PRKG1: variants seen among roughly 807,000 people sequenced by gnomAD.
PRKG1 encodes cGMP-dependent protein kinase 1.
Under a neutral mutation model 88.1 loss-of-function variants are expected in PRKG1, and 35 were observed. The observed-to-expected ratio is 0.40, with a 90% CI of 0.30 to 0.53. The LOEUF (loss-of-function observed/expected upper bound fraction) is 0.53. Among genes scored for constraint, PRKG1 ranks in the 20% least tolerant of loss-of-function variants. PRKG1 has a pLI of 0.59. For missense variants in PRKG1, 540 were observed against 839.8 expected (o/e 0.64, Z 4.41); for synonymous variants, 303 against 292.5 (o/e 1.04, Z -0.37).
At chr10:52,156,923 G>A (rs1029893125) in intron 8 of PRKG1, among the ~76,000 whole-genome samples, 59 of 151,712 alleles carry the variant, frequency 3.9e-4, no homozygotes, top group African/African-American at 1.3e-3. Context: ...TTAAGAAGGC[G>A]TAGCCAAGCA....
chr10:51,278,926 T>C (rs1840211557), intron 2 of PRKG1, among the ~76,000 whole-genome samples: 1 of 152,224 alleles, frequency 6.6e-6, no homozygotes, highest in South Asian at 2.1e-4. Context: ...ATTGATTTTT[T>C]TGAAGGGTTT....
At chr10:51,958,773 T>G (rs1252905304) in intron 5 of PRKG1, among the ~76,000 whole-genome samples, 1 of 152,128 alleles carries the variant, frequency 6.6e-6, no homozygotes, top group Non-Finnish European at 1.5e-5. Context: ...GCTGCTACAG[T>G]GCATGGCCAG....
At chr10:51,395,044 A>G (rs1242293325) in intron 2 of PRKG1, among the ~76,000 whole-genome samples, 2 of 152,216 alleles carry the variant, frequency 1.3e-5, no homozygotes, top group Non-Finnish European at 2.9e-5. Flanking sequence ...AATGCTCCAA[A>G]TTCTGAGGAG....
At chr10:51,646,570 T>C (rs573440375) in intron 3 of PRKG1, among the ~76,000 whole-genome samples, 11 of 152,068 alleles carry the variant, frequency 7.2e-5, no homozygotes, top group Non-Finnish European at 8.8e-5. Context: ...CTTACATCCG[T>C]AAACATTTAT....
intron 4 of PRKG1, among the ~76,000 whole-genome samples, chr10:51,892,700 A>G (rs935899704): frequency 6.6e-6 from 1 of 152,228 alleles, no homozygotes; most frequent in Non-Finnish European, 1.5e-5. Context: ...TTGGTATTTC[A>G]TGGGTAGAAA....
intron 7 of PRKG1, among the ~76,000 whole-genome samples, chr10:52,103,237 C>T (rs995453477): frequency 1.3e-5 from 2 of 152,080 alleles, no homozygotes; most frequent in African/African-American, 2.4e-5. Flanking sequence ...GTTTGGGGAC[C>T]ACTGCCACAT....
At chr10:51,615,756 C>T (rs903840682) in intron 3 of PRKG1, among the ~76,000 whole-genome samples, 4 of 151,164 alleles carry the variant, frequency 2.6e-5, no homozygotes, top group Admixed American at 2.6e-4. Context: ...TCAGTATTCC[C>T]CTGTATCTCA....
intron 3 of PRKG1, among the ~76,000 whole-genome samples, chr10:51,582,454 A>G (rs999930389): frequency 6.6e-6 from 1 of 151,894 alleles, no homozygotes; most frequent in East Asian, 1.9e-4. Context: ...TGAATTAGCT[A>G]TTTTTCTTGA....
intron 1 of PRKG1, among the ~76,000 whole-genome samples, chr10:51,150,218 T>C (rs1262840616): frequency 1.3e-5 from 2 of 152,092 alleles, no homozygotes; most frequent in Admixed American, 1.3e-4. Flanking sequence ...ACTTGTGATA[T>C]CGGCTTTCCC....
intron 4 of PRKG1, among the ~76,000 whole-genome samples, chr10:51,889,198 A>G (rs1841651531): frequency 7.6e-6 from 1 of 131,858 alleles, no homozygotes; most frequent in Admixed American, 7.5e-5. Flanking sequence ...TCCTAATTCT[A>G]TCCCTCCCCC....
At chr10:51,125,617 G>A (rs1845376216) in intron 1 of PRKG1, among the ~76,000 whole-genome samples, 1 of 149,296 alleles carries the variant, frequency 6.7e-6, no homozygotes, top group African/African-American at 2.4e-5. Context: ...AGGAGGCAGA[G>A]GTTACAGTGA....
intron 2 of PRKG1, among the ~76,000 whole-genome samples, chr10:51,161,226 A>C (rs1346849646): frequency 6.6e-6 from 1 of 151,988 alleles, no homozygotes; most frequent in Non-Finnish European, 1.5e-5. Context: ...TAAGCTGACT[A>C]ATACAGTTTT....
chr10:51,670,824 A>G (rs957574842), intron 3 of PRKG1, among the ~76,000 whole-genome samples: 3 of 151,918 alleles, frequency 2.0e-5, no homozygotes, highest in African/African-American at 4.8e-5. Context: ...CAACAAAAGT[A>G]CAACTTAATC....
At chr10:51,916,368 C>T (rs534315691) in intron 5 of PRKG1, among the ~76,000 whole-genome samples, 3 of 152,280 alleles carry the variant, frequency 2.0e-5, no homozygotes, top group Non-Finnish European at 2.9e-5. Flanking sequence ...ACAAATGCCA[C>T]GGCAACATCA....
rs1840222519 is a variant in PRKG1 at position 51,477,230 on chromosome 10, C to T, written c.592+9394C>T. On this transcript the variant is annotated intron_variant, in intron 3 of 17. Coordinates refer to ENST00000373980, the MANE Select transcript of PRKG1 (RefSeq NM_006258.4). ...CTGCTGAACTCTCTGGGGAGCATCA[C>T]TGAGAAAGGGGGCATAGCCCTACAA... 2.0e-5 allele frequency among the ~76,000 whole-genome samples: 3 copies of T among 151,084 alleles called. No homozygotes were observed. The South Asian group carries it at 6.3e-4, about 32-fold the overall frequency.
rs532186408 is a variant in PRKG1 at position 51,536,881 on chromosome 10, A to G, written c.592+69045A>G. Reference sequence around the variant, plus strand: ...TGTTCTCATTGTTCAATTCCCATCTATGAGTGAGAACATGCGGTGTTTGGT... The same window carrying G: ...TGTTCTCATTGTTCAATTCCCATCTGTGAGTGAGAACATGCGGTGTTTGGT... On this transcript the variant is annotated intron_variant, in intron 3 of 17. Coordinates refer to ENST00000373980, the MANE Select transcript of PRKG1 (RefSeq NM_006258.4). 9.3e-5 allele frequency among the ~76,000 whole-genome samples: 13 copies of G among 140,410 alleles called. No individual in the cohort carries two copies. In the South Asian group the frequency reaches 1.8e-3, roughly 19 times the overall value. The allele number at this position is 140,410 out of a possible 152,430, so 92.1% of individuals were successfully genotyped here.
intron 5 of PRKG1, among the ~76,000 whole-genome samples, chr10:51,925,283 G>C (rs1206493572): frequency 3.3e-5 from 5 of 151,740 alleles, no homozygotes; most frequent in Admixed American, 3.3e-4. Flanking sequence ...ATTCCCTCTG[G>C]TGTCCTTGTC....
chr10:52,162,722 G>T (rs1228040077), intron 9 of PRKG1, among the ~76,000 whole-genome samples: 1 of 152,034 alleles, frequency 6.6e-6, no homozygotes, highest in Non-Finnish European at 1.5e-5. Flanking sequence ...AATGTATTTT[G>T]CTTTGAGAAT....
Position 51,421,163 on chromosome 10 carries a change from T to C in PRKG1, c.479-46560T>C, listed in dbSNP as rs567070637. Among the ~76,000 whole-genome samples the C allele has an allele frequency of 2.4e-3, 371 of 151,628 alleles. 1 individual carries two copies. Among genetic ancestry groups the C allele is most frequent in the Non-Finnish European group, 4.0e-3 (269 of 67,794 alleles). On this transcript the variant is annotated intron_variant, in intron 2 of 17. Coordinates refer to ENST00000373980, the MANE Select transcript of PRKG1 (RefSeq NM_006258.4). ...ATGGCACTCTGTGCCTTTTATTTCT[T>C]GTTTGTTTGTTTGTTTGTTTGTTTT...
Sources: gnomAD v4.1 joint callset for allele counts (sites outside exome capture counted in the v4.1 genomes callset) on GRCh38, gnomAD v4.1.1 for gene constraint, MANE v1.5 for transcripts, NCBI Gene and HGNC (gene_info 2026-07-23, HGNC 2026-07-21) for gene names.